Variants in ARHGAP6 observed in about 807,000 individuals in gnomAD.
ARHGAP6 encodes the protein rho GTPase-activating protein 6.
In ARHGAP6, 16 loss-of-function variants were observed where a neutral mutation model predicts 55.7. That is an observed-to-expected ratio of 0.29 (90% confidence interval 0.19 to 0.44). ARHGAP6 has a LOEUF of 0.44. Among genes scored for constraint, ARHGAP6 ranks in the 20% least tolerant of loss-of-function variants. ARHGAP6 has a pLI of 1.00. For synonymous variants in ARHGAP6, 382 were observed against 360.9 expected, an observed-to-expected ratio of 1.06 and a Z score of -0.66; for missense variants, 698 against 808.9, an observed-to-expected ratio of 0.86 and a Z score of 1.66.
chrX:11,236,767 A>T (rs1336045869), intron 2 of ARHGAP6, among the ~76,000 whole-genome samples: 1 of 112,721 alleles, frequency 8.9e-6, no homozygotes, highest in Non-Finnish European at 1.9e-5. Flanking sequence ...TCAAAATCAC[A>T]GAACTGGTAG....
chrX:11,524,628 C>T (rs2050969900), intron 1 of ARHGAP6, among the ~76,000 whole-genome samples: 1 of 111,286 alleles, frequency 9.0e-6, no homozygotes, highest in Admixed American at 9.7e-5. Flanking sequence ...TTTGGGGGAC[C>T]GTTCTGTGCA....
At chrX:11,652,525 T>A (rs894775649) in intron 1 of ARHGAP6, among the ~76,000 whole-genome samples, 1 of 112,178 alleles carries the variant, frequency 8.9e-6, no homozygotes, top group Non-Finnish European at 1.9e-5. Context: ...TAGTTGGATA[T>A]ATTCACAATT....
At chrX:11,649,413 G>A (rs2052561937) in intron 1 of ARHGAP6, among the ~76,000 whole-genome samples, 1 of 112,113 alleles carries the variant, frequency 8.9e-6, no homozygotes, top group Non-Finnish European at 1.9e-5. Context: ...TGCAGCAATA[G>A]AGAACTAAAA....
chrX:11,158,828 G>A (rs898421379), intron 9 of ARHGAP6, among the ~76,000 whole-genome samples: 7 of 112,080 alleles, frequency 6.2e-5, no homozygotes, highest in African/African-American at 2.3e-4. Flanking sequence ...CCAGGTATTG[G>A]ATGCTGGGAA....
intron 8 of ARHGAP6, among the ~76,000 whole-genome samples, chrX:11,175,257 C>A (rs888513587): frequency 4.5e-5 from 5 of 112,191 alleles, no homozygotes; most frequent in African/African-American, 1.6e-4. Context: ...GTAGCCTTTA[C>A]TACAGTTCAC....
chrX:11,156,745 G>A (rs932377490), intron 9 of ARHGAP6, 119 bp from the exon 10 acceptor site: 1 of 539,126 alleles, frequency 1.9e-6, no homozygotes, highest in Non-Finnish European at 3.0e-6. Flanking sequence ...ACAGCAGAAT[G>A]ATTTGCTGGT....
chrX:11,555,598 C>CA (rs1338778526), intron 1 of ARHGAP6, among the ~76,000 whole-genome samples: 1 of 110,277 alleles, frequency 9.1e-6, no homozygotes, highest in African/African-American at 3.3e-5. Flanking sequence ...ACTAAAAATA[C>CA]AAAAAAATTA....
chrX:11,589,240 C>T (rs750141882), intron 1 of ARHGAP6, among the ~76,000 whole-genome samples: 47 of 107,547 alleles, frequency 4.4e-4, no homozygotes, highest in African/African-American at 1.5e-3. Context: ...CGGGGTTTCA[C>T]CATCTTGGCC....
intron 1 of ARHGAP6, among the ~76,000 whole-genome samples, chrX:11,451,398 G>A (rs999788754): frequency 8.9e-6 from 1 of 111,977 alleles, no homozygotes; most frequent in African/African-American, 3.3e-5. Flanking sequence ...CAGCTTTCTG[G>A]TGCCATCTGA....
At chrX:11,525,244 C>A (rs1272894997) in intron 1 of ARHGAP6, among the ~76,000 whole-genome samples, 1 of 111,726 alleles carries the variant, frequency 9.0e-6, no homozygotes, top group East Asian at 2.8e-4. Flanking sequence ...AAAAATGTCT[C>A]CAGACATTGT....
chrX:11,409,090 C>CT (rs2049648527), intron 1 of ARHGAP6, among the ~76,000 whole-genome samples: 1 of 111,687 alleles, frequency 9.0e-6, no homozygotes, highest in Admixed American at 9.5e-5. Context: ...CCCCTTACTC[C>CT]TTCACTCAGT....
chrX:11,251,088 C>T (rs750275001), intron 2 of ARHGAP6, among the ~76,000 whole-genome samples: 38 of 111,841 alleles, frequency 3.4e-4, no homozygotes, highest in East Asian at 1.1e-3. Flanking sequence ...TAACCTCAAA[C>T]GGACCTTTTG....
chrX:11,325,719 T>A (rs904998795), intron 1 of ARHGAP6, among the ~76,000 whole-genome samples: 4 of 112,493 alleles, frequency 3.6e-5, no homozygotes, highest in African/African-American at 1.3e-4. Flanking sequence ...AGACCAAACT[T>A]ATTTTTAAAA....
chrX:11,645,985 A>G (rs1223864788), intron 1 of ARHGAP6, among the ~76,000 whole-genome samples: 1 of 107,773 alleles, frequency 9.3e-6, no homozygotes, highest in East Asian at 3.1e-4. Flanking sequence ...GGTCCAGTGT[A>G]TTAAACTGTT....
chrX:11,197,858 G>T (rs1165671384), intron 2 of ARHGAP6, among the ~76,000 whole-genome samples: 1 of 111,956 alleles, frequency 8.9e-6, no homozygotes, highest in Non-Finnish European at 1.9e-5. Flanking sequence ...ATCATTGCCA[G>T]AATGCGTTTT....
intron 1 of ARHGAP6, among the ~76,000 whole-genome samples, chrX:11,424,895 TG>T (rs34218182): frequency 1.8e-5 from 2 of 112,482 alleles, no homozygotes; most frequent in African/African-American, 6.5e-5. Flanking sequence ...TTTATGTAAA[TG>T]GAGGATGTTC....
At chrX:11,571,993 C>G (rs962761996) in intron 1 of ARHGAP6, among the ~76,000 whole-genome samples, 3 of 110,605 alleles carry the variant, frequency 2.7e-5, no homozygotes, top group Non-Finnish European at 5.7e-5. Flanking sequence ...AAGAAATGCT[C>G]ACAGCCTCTC....
At chrX:11,506,781 T>C (rs1379649579) in intron 1 of ARHGAP6, among the ~76,000 whole-genome samples, 1 of 111,627 alleles carries the variant, frequency 9.0e-6, no homozygotes, top group African/African-American at 3.3e-5. Context: ...GGTCAAATGG[T>C]ATTTCTAGTT....
intron 1 of ARHGAP6, among the ~76,000 whole-genome samples, chrX:11,590,800 AG>A (rs1426306331): frequency 2.3e-5 from 1 of 43,800 alleles, no homozygotes; most frequent in Non-Finnish European, 3.5e-5. Context: ...AGAAAAGAAA[AG>A]AAAAGAAAAG....
Sources: allele counts gnomAD v4.1 joint callset (sites outside exome capture counted in the v4.1 genomes callset), GRCh38; gene constraint gnomAD v4.1.1; transcripts MANE v1.5; gene names NCBI Gene and HGNC (gene_info 2026-07-23, HGNC 2026-07-21).